The following TTBK1 variants were observed in gnomAD, a reference collection of about 807,000 sequenced individuals.
The protein encoded by TTBK1 is tau-tubulin kinase 1.
TTBK1 carries 34 observed loss-of-function variants against 108.5 expected under a neutral mutation model. That is an observed-to-expected ratio of 0.31 (90% CI 0.24 to 0.42). TTBK1 has a LOEUF of 0.42. Ranked by LOEUF, TTBK1 falls within the 10% of genes least tolerant of loss-of-function variation. The pLI is 1.00. For synonymous variants in TTBK1, 809 were observed against 795.1 expected, an observed-to-expected ratio of 1.02 and a Z score of -0.29; for missense variants, 1,539 against 1,826.0, an observed-to-expected ratio of 0.84 and a Z score of 2.86.
rs1199945528 is a variant in TTBK1 at position 43,282,233 on chromosome 6, T to TA, written c.1987-493dup. 3.3e-5 allele frequency among the ~76,000 whole-genome samples: 5 copies of TA among 152,174 alleles called. No individual in the cohort carries two copies. The highest frequency in any genetic ancestry group is 7.4e-5 in the Non-Finnish European group (5 of 68,026). On this transcript the variant is annotated intron_variant, in intron 13 of 14. Coordinates refer to ENST00000259750, the MANE Select transcript of TTBK1 (RefSeq NM_032538.3). This position sits in a 1 kb window ranked among gnomAD's most constrained non-coding sequence, Gnocchi z 5.4. ...ACCCTGAGGTGGTACTGAGGGCATCTAGGAGCCAGCCCGGCACAGCCCATC... is the reference window on the plus strand; with the variant it reads ...ACCCTGAGGTGGTACTGAGGGCATCTAAGGAGCCAGCCCGGCACAGCCCATC...
At chr6:43,274,967 G>A (rs1777926470) in intron 13 of TTBK1, among the ~76,000 whole-genome samples, 1 of 152,126 alleles carries the variant, frequency 6.6e-6, no homozygotes, top group Non-Finnish European at 1.5e-5. Context: ...TGGCTCCGCC[G>A]TCAGTCCCAC....
At chr6:43,284,535 G>A (rs527380877) in intron 14 of TTBK1, among the ~76,000 whole-genome samples, 1 of 152,350 alleles carries the variant, frequency 6.6e-6, no homozygotes, top group South Asian at 2.1e-4. Context: ...TGTGTGGAGG[G>A]GGTGCCGGAG....
intron 8 of TTBK1, 37 bp downstream of exon 8, chr6:43,255,681 G>A: frequency 6.2e-7 from 1 of 1,614,138 alleles, no homozygotes; most frequent in Non-Finnish European, 8.5e-7. Context: ...GTGGCAGAAG[G>A]AGTGTCAGGG....
Position 43,263,012 on chromosome 6 carries a change from A to G in TTBK1, c.1648A>G (p.Thr550Ala). 6.2e-7 allele frequency: 1 copy of G among 1,607,894 alleles called. No homozygotes were observed. The highest frequency in any genetic ancestry group is 8.5e-7 in the Non-Finnish European group (1 of 1,177,348). The change falls in exon 13 of 15, where the codon ACG (threonine) becomes GCG (alanine). Residue 550 changes from threonine to alanine, a missense_variant. This residue lies in a region of TTBK1 where 1,055 missense variants were observed against 1,086.5 expected (regional missense o/e 0.97). Transcript: ENST00000259750. This position sits in a 1 kb window ranked among gnomAD's most constrained non-coding sequence, Gnocchi z 4.7. ...SKEWVIIDKETELKDFPPGAE... is the reference protein window; with the variant it reads ...SKEWVIIDKEAELKDFPPGAE... ...AGAGTGGGTCATCATCGACAAGGAG[A>G]CGGAGCTCAAGGACTTCCCTCCAGG...
chr6:43,278,097 A>G (rs1778057419), intron 13 of TTBK1, among the ~76,000 whole-genome samples: 1 of 151,994 alleles, frequency 6.6e-6, no homozygotes, highest in Non-Finnish European at 1.5e-5. Context: ...TCCAGGCAGG[A>G]GTGGCTCCAT....
At chr6:43,247,339 G>C (rs367754384) in intron 2 of TTBK1, among the ~76,000 whole-genome samples, 1 of 152,190 alleles carries the variant, frequency 6.6e-6, no homozygotes, top group South Asian at 2.1e-4. Context: ...CGGGCTGCTC[G>C]GCCTGCTGGG....
chr6:43,262,542 C>T (rs1777569278), intron 12 of TTBK1, among the ~76,000 whole-genome samples: 1 of 152,198 alleles, frequency 6.6e-6, no homozygotes, highest in African/African-American at 2.4e-5. Context: ...GCACGGTAAG[C>T]ATTCAAAAAC....
chr6:43,284,595 C>G (rs1369471560), intron 14 of TTBK1, among the ~76,000 whole-genome samples: 1 of 152,234 alleles, frequency 6.6e-6, no homozygotes, highest in Non-Finnish European at 1.5e-5. Context: ...CACACACAGC[C>G]TCTGGTATGC....
Position 43,274,006 on chromosome 6 carries a change from CTGAA to C in TTBK1, c.1987-8717_1987-8714del, listed in dbSNP as rs200138175. Among the ~76,000 whole-genome samples the C allele has an allele frequency of 6.4e-3, 972 of 152,244 alleles. 10 individuals are homozygous for C. The highest frequency in any genetic ancestry group is 0.034 in the South Asian group (165 of 4,818). Reference sequence around the variant, plus strand: ...TTATACATGTGGTGTGCATAAGTGCCTGAATGAGTGTGGGGGCCAGTGGACCTTT... The same window carrying C: ...TTATACATGTGGTGTGCATAAGTGCCTGAGTGTGGGGGCCAGTGGACCTTT... On this transcript the variant is annotated intron_variant, in intron 13 of 14. Coordinates refer to ENST00000259750, the MANE Select transcript of TTBK1 (RefSeq NM_032538.3).
In TTBK1 at chr6:43,253,332, G is replaced by A. The variant is rs1777297308; in HGVS notation, c.298G>A (p.Glu100Lys). ...CAGGTTCATTGGCTGTGGCAGGAAC[G>A]AGAAGTTTAACTATGTAGTGATGCA... ...VCRFIGCGRNEKFNYVVMQLQ... is the reference protein window; with the variant it reads ...VCRFIGCGRNKKFNYVVMQLQ... Residue 100 changes from glutamate (E) to lysine (K), a missense_variant, in exon 4 of 15, where the codon GAG (glutamate) becomes AAG (lysine). Transcript: ENST00000259750. This position sits in a 1 kb window ranked among gnomAD's most constrained non-coding sequence, Gnocchi z 5.8. 3.1e-6 allele frequency: 5 copies of A among 1,614,100 alleles called. No homozygotes were observed. Among genetic ancestry groups the A allele is most frequent in the Non-Finnish European group, 3.4e-6 (4 of 1,179,990 alleles).
rs1246447587 is a variant in TTBK1 at position 43,282,696 on chromosome 6, C to T, written c.1987-31C>T. 3.9e-6 allele frequency: 6 copies of T among 1,558,394 alleles called. No individual in the cohort carries two copies. The Admixed American group carries it at 1.2e-4, about 30-fold the overall frequency. The stretch of plus-strand genomic sequence containing the variant: ...TCCTGGGCCCAGGAGGGTGGGTGAC[C>T]TCAGAGGGTCCCTGTGTATGCCCCT... On this transcript the variant is annotated intron_variant, in intron 13 of 14. Transcript: ENST00000259750. The surrounding 1 kb of genome is among the most constrained non-coding windows in gnomAD (Gnocchi z 5.4).
chr6:43,250,240 C>T (rs1181093743), intron 2 of TTBK1, among the ~76,000 whole-genome samples: 3 of 151,494 alleles, frequency 2.0e-5, no homozygotes. Context: ...CAGATCTGGG[C>T]TTGAATCTCA....
At position 43,259,482 on chromosome 6, in the gene TTBK1, C is replaced by T. The variant is rs749312886; in HGVS notation, c.1249-49C>T. On this transcript the variant is annotated intron_variant, in intron 11 of 14. Transcript: ENST00000259750. The surrounding 1 kb of genome is among the most constrained non-coding windows in gnomAD (Gnocchi z 6.7). ...CCTTCACCCTGAGGAGACCATCCGC[C>T]CACAGCCGCCTCATCAGCCCCAGCT... 4.6e-6 allele frequency: 7 copies of T among 1,512,044 alleles called. No homozygotes were observed. Among genetic ancestry groups the T allele is most frequent in the Admixed American group, 4.5e-5 (2 of 44,164 alleles). 93.7% of individuals were successfully genotyped at this position (1,512,044 alleles called of 1,614,324 possible). A position where few individuals can be genotyped will look rare whatever the true frequency, so the allele number is the denominator to read the frequency against.
Position 43,263,061 on chromosome 6 carries a change from C to T in TTBK1, c.1697C>T (p.Thr566Ile). 4 of 1,583,566 alleles carry T rather than the reference C, an allele frequency of 2.5e-6. No individual in the cohort carries two copies. The highest frequency in any genetic ancestry group is 3.4e-6 in the Non-Finnish European group (4 of 1,165,168). The change falls in exon 13 of 15, where the codon ACC (threonine) becomes ATC (isoleucine). Residue 566 changes from threonine (T) to isoleucine (I), a missense_variant. Physicochemically the swap from Thr to Ile is moderately conservative, Grantham distance 89. Coordinates refer to ENST00000259750, the MANE Select transcript of TTBK1 (RefSeq NM_032538.3). The surrounding 1 kb of genome is among the most constrained non-coding windows in gnomAD (Gnocchi z 4.7). ...GGGGCTGAGCCCAGCACATCGGGCA[C>T]CACGGATGAGGAGCCCGAGGAGCTG... ...PPGAEPSTSG[T>I]TDEEPEELRP...
In TTBK1 at chr6:43,243,667, TCCG is replaced by T. The variant is rs1282171577; in HGVS notation, c.-85_-83del. The T allele has an allele frequency of 6.6e-5, 10 of 152,534 alleles. No individual in the cohort carries two copies. The highest frequency in any genetic ancestry group is 1.3e-4 in the Non-Finnish European group (9 of 68,666). 9.4% of individuals were successfully genotyped at this position (152,534 alleles called of 1,614,324 possible). A position where few individuals can be genotyped will look rare whatever the true frequency, so the allele number is the denominator to read the frequency against. The stretch of plus-strand genomic sequence containing the variant: ...GGATGCGCCGCCCCGAGCTGCTGCC[TCCG>T]CCGCCGCCGCAGCCGCAGCCGCAGC... On this transcript the variant is annotated 5_prime_UTR_variant, in exon 1 of 15. Transcript: ENST00000259750. The surrounding 1 kb of genome is among the most constrained non-coding windows in gnomAD (Gnocchi z 5.5).
chr6:43,248,106 G>A (rs1299412376), intron 2 of TTBK1: 1 of 152,228 alleles, frequency 6.6e-6, no homozygotes, highest in Non-Finnish European at 1.5e-5. Flanking sequence ...CACTGAAGTG[G>A]TGAGGAAAAG....
In TTBK1 at chr6:43,267,506, A is replaced by C. The variant is rs909949116; in HGVS notation, c.1986+4156A>C. On this transcript the variant is annotated intron_variant, in intron 13 of 14. Coordinates refer to ENST00000259750, the MANE Select transcript of TTBK1 (RefSeq NM_032538.3). ...GATGTGTGAACTTCCTCATAACACC[A>C]ATCATTTAAACTATGAGCACCTACA... Among the ~76,000 whole-genome samples the C allele has an allele frequency of 6.6e-5, 10 of 152,312 alleles. No homozygotes were observed. The South Asian group carries it at 2.1e-3, about 32-fold the overall frequency.
chr6:43,277,126 G>A (rs750374411), intron 13 of TTBK1, among the ~76,000 whole-genome samples: 1 of 152,188 alleles, frequency 6.6e-6, no homozygotes, highest in Non-Finnish European at 1.5e-5. Flanking sequence ...AGAGGCCTGT[G>A]AGAGGACACT....
chr6:43,246,055 A>C (rs1035380901), intron 1 of TTBK1, among the ~76,000 whole-genome samples: 2 of 152,102 alleles, frequency 1.3e-5, no homozygotes, highest in African/African-American at 2.4e-5. Context: ...CCCTCAGTTA[A>C]CACCACCCTC....
Sources: allele counts gnomAD v4.1 joint callset (sites outside exome capture counted in the v4.1 genomes callset), GRCh38; gene constraint gnomAD v4.1.1; regional missense constraint gnomAD v4.1.1; non-coding constraint Gnocchi (gnomAD v3.1); transcripts MANE v1.5; gene names NCBI Gene and HGNC (gene_info 2026-07-23, HGNC 2026-07-21).